The following DCBLD2 variants were observed in gnomAD, a reference collection of about 807,000 sequenced individuals.
DCBLD2 encodes discoidin, CUB and LCCL domain-containing protein 2.
DCBLD2 carries 54 observed loss-of-function variants against 86.8 expected under a neutral mutation model. The ratio of observed to expected loss-of-function variants is 0.62; its 90% CI spans 0.50 to 0.78. DCBLD2 has a LOEUF of 0.78. Ranked by LOEUF, DCBLD2 falls within the 30% of genes least tolerant of loss-of-function variation. The pLI is 0.00. For synonymous variants in DCBLD2, 354 were observed against 341.3 expected (o/e 1.04, Z -0.41); for missense variants, 908 against 954.2 (o/e 0.95, Z 0.64).
chr3:98,856,213 C>T (rs1942928519), intron 2 of DCBLD2, among the ~76,000 whole-genome samples: 1 of 152,152 alleles, frequency 6.6e-6, no homozygotes, highest in Non-Finnish European at 1.5e-5. Flanking sequence ...CAGGATCTCA[C>T]AGGAGAGTAA....
intron 1 of DCBLD2, among the ~76,000 whole-genome samples, chr3:98,892,389 G>C (rs1028209306): frequency 6.6e-6 from 1 of 152,068 alleles, no homozygotes; most frequent in Non-Finnish European, 1.5e-5. Flanking sequence ...TCTGGAAGGT[G>C]CTCTGCAGTT....
intron 3 of DCBLD2, among the ~76,000 whole-genome samples, chr3:98,848,578 C>T (rs1417604126): frequency 6.6e-6 from 1 of 152,232 alleles, no homozygotes; most frequent in Non-Finnish European, 1.5e-5. Context: ...CTGACTTACA[C>T]TCCCACAAAC....
intron 3 of DCBLD2, among the ~76,000 whole-genome samples, chr3:98,838,928 C>A (rs577037524): frequency 1.3e-5 from 2 of 151,354 alleles, no homozygotes; most frequent in East Asian, 3.9e-4. Flanking sequence ...CGCAGGCATT[C>A]GGCAGACTGA....
At chr3:98,826,785 G>A (rs989746511) in intron 3 of DCBLD2, among the ~76,000 whole-genome samples, 1 of 152,038 alleles carries the variant, frequency 6.6e-6, no homozygotes, top group Non-Finnish European at 1.5e-5. Context: ...TAACCTGCAG[G>A]GAAGAAAACC....
In DCBLD2 at chr3:98,819,201, C is replaced by T; in HGVS notation, c.1087+1G>A. ...GCTTTAGAAAATTTTTGTCTCTTAACCTGTTATTTTCTTTTCCTTATTCAA... is the reference window on the plus strand; with the variant it reads ...GCTTTAGAAAATTTTTGTCTCTTAATCTGTTATTTTCTTTTCCTTATTCAA... On this transcript the variant is annotated splice_donor_variant, in intron 8 of 15. Transcript: ENST00000326840. LOFTEE classifies it high-confidence loss of function. The T allele has an allele frequency of 6.4e-7, 1 of 1,554,036 alleles. No individual in the cohort carries two copies. Among genetic ancestry groups the T allele is most frequent in the Non-Finnish European group, 8.7e-7 (1 of 1,147,820 alleles).
chr3:98,804,208 T>C (rs1941786530), intron 13 of DCBLD2, among the ~76,000 whole-genome samples: 1 of 152,172 alleles, frequency 6.6e-6, no homozygotes, highest in Non-Finnish European at 1.5e-5. Context: ...CTATTAATTA[T>C]TGCCTCAATT....
intron 4 of DCBLD2, among the ~76,000 whole-genome samples, chr3:98,824,181 A>T (rs138294907): frequency 1.3e-5 from 2 of 152,298 alleles, no homozygotes; most frequent in East Asian, 3.9e-4. Flanking sequence ...TCTAAGTAAA[A>T]ATAGGAAGCC....
intron 1 of DCBLD2, among the ~76,000 whole-genome samples, chr3:98,895,678 T>TTATAGTAGGCG (rs1010670605): frequency 6.6e-6 from 1 of 152,172 alleles, no homozygotes; most frequent in Non-Finnish European, 1.5e-5. Flanking sequence ...TTGATTATTA[T>TTATAGTAGGCG]TATAGTAGGC....
At chr3:98,850,328 C>T (rs1942812790) in intron 2 of DCBLD2, among the ~76,000 whole-genome samples, 1 of 152,160 alleles carries the variant, frequency 6.6e-6, no homozygotes, top group South Asian at 2.1e-4. Context: ...GATCAATCAA[C>T]CAATAAACAA....
chr3:98,814,299 C>T (rs550116752), intron 9 of DCBLD2: 1 of 152,196 alleles, frequency 6.6e-6, no homozygotes, highest in Non-Finnish European at 1.5e-5. Context: ...CAATTATTTT[C>T]ATTCTTACTA....
chr3:98,805,497 T>C (rs1941820793), intron 13 of DCBLD2, among the ~76,000 whole-genome samples: 1 of 152,198 alleles, frequency 6.6e-6, no homozygotes, highest in African/African-American at 2.4e-5. Flanking sequence ...TGACAAAGCT[T>C]CTGGTTACTT....
rs955700577 is a variant in DCBLD2, at chr3:98,850,557, C to T, written c.434-959G>A. On this transcript the variant is annotated intron_variant, in intron 2 of 15. Transcript: ENST00000326840. ...AAGAAAAATTAAAGCAAGACACACA[C>T]TAATAAATAATAAAAACTGATTTTC... 2.6e-5 allele frequency among the ~76,000 whole-genome samples: 4 copies of T among 152,234 alleles called. No homozygotes were observed. The Middle Eastern group carries it at 0.01, about 388-fold the overall frequency.
intron 1 of DCBLD2, among the ~76,000 whole-genome samples, chr3:98,888,656 A>G (rs1282770743): frequency 1.3e-5 from 2 of 152,036 alleles, no homozygotes; most frequent in East Asian, 3.9e-4. Context: ...GCTTTTGCCC[A>G]TTGTTTATTG....
intron 1 of DCBLD2, among the ~76,000 whole-genome samples, chr3:98,886,847 G>A: frequency 1.6e-5 from 2 of 122,294 alleles, no homozygotes; most frequent in African/African-American, 6.3e-5. Context: ...CTAGAAAAAA[G>A]AGAAAGAAAA....
At chr3:98,855,271 G>A (rs1213202355) in intron 2 of DCBLD2, among the ~76,000 whole-genome samples, 2 of 152,078 alleles carry the variant, frequency 1.3e-5, no homozygotes, top group Non-Finnish European at 2.9e-5. Context: ...GAAATACAAA[G>A]CAAACTATGT....
At chr3:98,825,418 G>T in intron 3 of DCBLD2, 52 bp from the exon 4 acceptor site, 2 of 1,328,848 alleles carry the variant, frequency 1.5e-6, no homozygotes, top group Non-Finnish European at 2.0e-6. Flanking sequence ...GGATTACCTT[G>T]CTGAAACTCC....
intron 3 of DCBLD2, among the ~76,000 whole-genome samples, chr3:98,843,535 T>C (rs559544242): frequency 6.6e-6 from 1 of 152,318 alleles, no homozygotes; most frequent in East Asian, 1.9e-4. Context: ...TGGACTCTGC[T>C]AGAAAGGAAT....
At chr3:98,867,933 G>C (rs1190910938) in intron 2 of DCBLD2, among the ~76,000 whole-genome samples, 1 of 151,906 alleles carries the variant, frequency 6.6e-6, no homozygotes, top group East Asian at 1.9e-4. Context: ...CTCCTGCATA[G>C]CTGGGACTAC....
intron 2 of DCBLD2, among the ~76,000 whole-genome samples, chr3:98,852,217 G>C (rs1221957575): frequency 1.3e-5 from 2 of 150,534 alleles, no homozygotes; most frequent in Admixed American, 6.6e-5. Context: ...ATTTCCTCTA[G>C]TATGTGATCT....
Sources: allele counts gnomAD v4.1 joint callset (sites outside exome capture counted in the v4.1 genomes callset), GRCh38; gene constraint gnomAD v4.1.1; transcripts MANE v1.5; gene names NCBI Gene and HGNC (gene_info 2026-07-23, HGNC 2026-07-21).